Variants in NCAPD3 observed in about 807,000 individuals in gnomAD.
NCAPD3 encodes the protein non-SMC condensin II complex subunit D3, also known as condensin-2 complex subunit D3.
Under a neutral mutation model 182.9 loss-of-function variants are expected in NCAPD3, and 105 were observed. That is an observed-to-expected ratio of 0.57 (90% CI 0.49 to 0.68). The LOEUF (loss-of-function observed/expected upper bound fraction) is 0.68, where lower values mean the gene tolerates loss of function less well. NCAPD3 is among the 30% of genes least tolerant of loss of function. NCAPD3 has a pLI of 0.00. For missense variants in NCAPD3, 1,944 were observed against 1,837.0 expected (o/e 1.06, Z -1.07); for synonymous variants, 815 against 679.9 (o/e 1.20, Z -3.09).
intron 20 of NCAPD3, 52 bp from the exon 21 acceptor site, chr11:134,178,988 T>A (rs764918723): frequency 8.3e-7 from 1 of 1,202,734 alleles, no homozygotes; most frequent in Admixed American, 1.8e-5. Flanking sequence ...AAAAGTGAAC[T>A]CTAGCTAGAT....
chr11:134,167,676 T>A (rs1591829666), intron 27 of NCAPD3, among the ~76,000 whole-genome samples: 3 of 80,852 alleles, frequency 3.7e-5, no homozygotes, highest in Admixed American at 1.6e-4. Flanking sequence ...ACTTGTGAGA[T>A]GAGCTTGGGG....
upstream of NCAPD3, chr11:134,225,218 G>T (rs1299668404): frequency 1.9e-6 from 3 of 1,613,940 alleles, no homozygotes; most frequent in Non-Finnish European, 2.5e-6. Context: ...CGGAGGACGG[G>T]AAGAAGGAGA....
At chr11:134,160,717 GA>G (rs1943553685) in intron 28 of NCAPD3, among the ~76,000 whole-genome samples, 1 of 152,118 alleles carries the variant, frequency 6.6e-6, no homozygotes, top group South Asian at 2.1e-4. Flanking sequence ...GTAATAGGGA[GA>G]AAAAGACACT....
At chr11:134,177,555 A>G (rs1944200120) in intron 22 of NCAPD3, 98 bp from the exon 23 acceptor site, 1 of 1,061,174 alleles carries the variant, frequency 9.4e-7, no homozygotes, top group Non-Finnish European at 1.4e-6. Flanking sequence ...CTTCTATTTC[A>G]TCAAAGTTAA....
chr11:134,177,659 C>T (rs1944202668), intron 22 of NCAPD3: 1 of 587,122 alleles, frequency 1.7e-6, no homozygotes, highest in Admixed American at 3.0e-5. Flanking sequence ...GAAATAAACT[C>T]CCCAGGAGTT....
chr11:134,199,499 T>C (rs1044864431), intron 13 of NCAPD3, among the ~76,000 whole-genome samples: 1 of 134,816 alleles, frequency 7.4e-6, no homozygotes, highest in African/African-American at 4.0e-5. Flanking sequence ...ATTCAAACCA[T>C]ACTTTGAGTT....
In NCAPD3 at chr11:134,151,228, T is replaced by C. The variant is rs1943223013; in HGVS notation, c.*1716A>G. On this transcript the variant is annotated 3_prime_UTR_variant, in exon 35 of 35. Transcript: ENST00000534548. The stretch of plus-strand genomic sequence containing the variant: ...GCATACATGAGACTGTGTTGACTTT[T>C]TTTAGTTATGTGAAACACTTTGCCG... 6.6e-6 allele frequency: 1 copy of C among 152,240 alleles called. No individual in the cohort carries two copies. Among genetic ancestry groups the C allele is most frequent in the African/African-American group, 2.4e-5 (1 of 41,466 alleles). 9.4% of individuals were successfully genotyped at this position (152,240 alleles called of 1,614,324 possible).
In NCAPD3 at chr11:134,170,700, C is replaced by T. The variant is rs556051469; in HGVS notation, c.3102-1646G>A. Among the ~76,000 whole-genome samples the T allele has an allele frequency of 4.6e-5, 7 of 152,362 alleles. No individual in the cohort carries two copies. In the South Asian group the frequency reaches 1.4e-3, roughly 32 times the overall value. On this transcript the variant is annotated intron_variant, in intron 24 of 34. Coordinates refer to ENST00000534548, the MANE Select transcript of NCAPD3 (RefSeq NM_015261.3). The stretch of plus-strand genomic sequence containing the variant: ...GTGGAGGTGACCAACAGACAAGATA[C>T]TGCGGAGTTTAAGCCCTAGTGAAAA...
chr11:134,157,934 T>A lies in NCAPD3; in HGVS notation c.4168A>T (p.Ser1390Cys). 2 of 1,613,794 alleles carry A rather than the reference T, an allele frequency of 1.2e-6. No individual in the cohort carries two copies. The highest frequency in any genetic ancestry group is 1.7e-6 in the Non-Finnish European group (2 of 1,179,776). The change falls in exon 31 of 35, where the codon AGT (serine) becomes TGT (cysteine). Residue 1390 changes from serine to cysteine, a missense_variant. Physicochemically the swap from Ser to Cys is moderately radical, Grantham distance 112. Coordinates refer to ENST00000534548, the MANE Select transcript of NCAPD3 (RefSeq NM_015261.3). Reference sequence around the variant, plus strand: ...CACCAAACATAAGGCTTACCCTGACTGCACGTTTTTTCTGGGCTTCCAGAA... The same window carrying A: ...CACCAAACATAAGGCTTACCCTGACAGCACGTTTTTTCTGGGCTTCCAGAA... ...LNSGSPEKTC[S>C]QVSSYSLEQE...
chr11:134,159,398 T>A (rs924940606), intron 29 of NCAPD3, among the ~76,000 whole-genome samples: 12 of 152,238 alleles, frequency 7.9e-5, no homozygotes, highest in Admixed American at 2.0e-4. Context: ...GTAAGTTGAA[T>A]TTCCTTTTCA....
chr11:134,163,954 C>G (rs1427552226), intron 27 of NCAPD3, among the ~76,000 whole-genome samples: 1 of 151,140 alleles, frequency 6.6e-6, no homozygotes, highest in Non-Finnish European at 1.5e-5. Context: ...AGAAAGAAAC[C>G]AGAAACAGAA....
chr11:134,163,587 C>G (rs1943656421), intron 27 of NCAPD3, among the ~76,000 whole-genome samples: 1 of 151,632 alleles, frequency 6.6e-6, no homozygotes, highest in Admixed American at 6.6e-5. Flanking sequence ...GTAGTCCCAG[C>G]TACTAGGGAG....
chr11:134,204,216 G>T lies in NCAPD3; in HGVS notation c.1090-45C>A. The T allele has an allele frequency of 1.2e-6, 2 of 1,601,224 alleles. No homozygotes were observed. The highest frequency in any genetic ancestry group is 8.5e-7 in the Non-Finnish European group (1 of 1,172,556). ...GTTGACCAACCAATATCCACCCGCA[G>T]GATGGCTGAAACATATTCTGTAATA... On this transcript the variant is annotated intron_variant, in intron 9 of 34. Transcript: ENST00000534548. The surrounding 1 kb of genome is among the most constrained non-coding windows in gnomAD (Gnocchi z 4.3).
chr11:134,176,289 C>T lies in NCAPD3; in HGVS notation c.3101+18G>A, dbSNP rs759748301. 42 of 1,606,540 alleles carry T rather than the reference C, an allele frequency of 2.6e-5. No homozygotes were observed. The Middle Eastern group carries it at 4.9e-4, about 19-fold the overall frequency. On this transcript the variant is annotated intron_variant, in intron 24 of 34. Transcript: ENST00000534548. ...TGAGGTAAACTGTTGAGTCGTCTGA[C>T]GTGAGGAAAAGATTTACCTGGCAAT...
At position 134,192,268 on chromosome 11, in the gene NCAPD3, G is replaced by A. The variant is rs938072560; in HGVS notation, c.2045+421C>T. Among the ~76,000 whole-genome samples, 6 of 152,234 alleles carry A rather than the reference G, an allele frequency of 3.9e-5. No individual in the cohort carries two copies. The South Asian group carries it at 6.2e-4, about 16-fold the overall frequency. ...ACTGTACAGTGTATGTTCAATAAGT[G>A]TTATCAAAGGGGAAAAAGCCTGCAG... On this transcript the variant is annotated intron_variant, in intron 16 of 34. Coordinates refer to ENST00000534548, the MANE Select transcript of NCAPD3 (RefSeq NM_015261.3).
chr11:134,185,443 G>A lies in NCAPD3; in HGVS notation c.2129C>T (p.Thr710Ile). 1 of 1,613,972 alleles carries A rather than the reference G, an allele frequency of 6.2e-7. No individual in the cohort carries two copies. Among genetic ancestry groups the A allele is most frequent in the Non-Finnish European group, 8.5e-7 (1 of 1,179,928 alleles). ...GGCAGGTGCCGAATGTTCCGTGCCA[G>A]TGTGAGATATTACATTGTTTATAAA... ...PTFINNVISH[T>I]GTEHSAPAWM... The change falls in exon 17 of 35, where the codon ACT (threonine) becomes ATT (isoleucine). Residue 710 changes from threonine to isoleucine, a missense_variant. By Grantham distance (89) the Thr-to-Ile change is moderately conservative. Transcript: ENST00000534548.
intron 32 of NCAPD3, among the ~76,000 whole-genome samples, chr11:134,155,507 T>TG (rs1943395141): frequency 6.6e-6 from 1 of 152,128 alleles, no homozygotes; most frequent in Non-Finnish European, 1.5e-5. Context: ...ACCAACTCAA[T>TG]GACACCGGGC....
rs1943488278 is a variant in NCAPD3 at position 134,158,433 on chromosome 11, A to C, written c.3930T>G (p.Pro1310=). The change falls in exon 30 of 35, where the codon CCT becomes CCG. Residue 1310 remains proline, a synonymous_variant. Coordinates refer to ENST00000534548, the MANE Select transcript of NCAPD3 (RefSeq NM_015261.3). The part of the protein sequence containing the change: ...PAGQENPAMS[P]AVSQPCTPRA... ...TGGGTGTGCAGGGCTGGCTCACGGC[A>C]GGTGACATGGCAGGGTTTTCTTGGC... The C allele has an allele frequency of 6.2e-7, 1 of 1,614,132 alleles. No individual in the cohort carries two copies. Among genetic ancestry groups the C allele is most frequent in the African/African-American group, 1.3e-5 (1 of 74,950 alleles).
At chr11:134,170,064 T>C (rs1412044725) in intron 24 of NCAPD3, among the ~76,000 whole-genome samples, 1 of 152,120 alleles carries the variant, frequency 6.6e-6, no homozygotes, top group East Asian at 1.9e-4. Context: ...TATGCCAAAA[T>C]TCAAATCAGT....
Sources: allele counts gnomAD v4.1 joint callset (sites outside exome capture counted in the v4.1 genomes callset), GRCh38; gene constraint gnomAD v4.1.1; non-coding constraint Gnocchi (gnomAD v3.1); transcripts MANE v1.5; gene names NCBI Gene and HGNC (gene_info 2026-07-23, HGNC 2026-07-21).